AGPAT4: variants seen among roughly 807,000 people sequenced by gnomAD.
The protein encoded by AGPAT4 is 1-acyl-sn-glycerol-3-phosphate acyltransferase delta.
A neutral mutation model predicts 48.0 loss-of-function variants in AGPAT4; 15 were observed. That is an observed-to-expected ratio of 0.31 (90% CI 0.21 to 0.48). The LOEUF is 0.48. Among genes scored for constraint, AGPAT4 ranks in the 20% least tolerant of loss-of-function variants. The pLI is 0.99. For missense variants in AGPAT4, 314 were observed against 482.5 expected (o/e 0.65, Z 3.27); for synonymous variants, 178 against 198.7 (o/e 0.90, Z 0.88).
At chr6:161,185,871 T>C (rs536533446) in intron 2 of AGPAT4, among the ~76,000 whole-genome samples, 29 of 152,348 alleles carry the variant, frequency 1.9e-4, no homozygotes, top group Non-Finnish European at 3.7e-4. Flanking sequence ...GGATTTTCTT[T>C]TTTTTAATTT....
At chr6:161,224,054 A>T (rs1033021715) in intron 2 of AGPAT4, among the ~76,000 whole-genome samples, 6 of 152,218 alleles carry the variant, frequency 3.9e-5, no homozygotes, top group African/African-American at 1.2e-4. Flanking sequence ...AGATACTTAA[A>T]TTCTTTAACT....
At position 161,166,496 on chromosome 6, in the gene AGPAT4, C is replaced by T. The variant is rs1780102609; in HGVS notation, c.179-79G>A. The T allele has an allele frequency of 5.4e-6, 8 of 1,489,566 alleles. No homozygotes were observed. In the South Asian group the frequency reaches 5.5e-5, roughly 10 times the overall value. 92.3% of individuals were successfully genotyped at this position (1,489,566 alleles called of 1,614,324 possible). On this transcript the variant is annotated intron_variant, in intron 2 of 8. Coordinates refer to ENST00000320285, the MANE Select transcript of AGPAT4 (RefSeq NM_020133.3). The surrounding 1 kb of genome is among the most constrained non-coding windows in gnomAD (Gnocchi z 6.7). ...GCCCTGCTGAGAGCAGGGCTCTGCCCTCCCAGCTAGGGGAGAAAGCAACTT... is the reference window on the plus strand; with the variant it reads ...GCCCTGCTGAGAGCAGGGCTCTGCCTTCCCAGCTAGGGGAGAAAGCAACTT...
At position 161,243,629 on chromosome 6, in the gene AGPAT4, G is replaced by T. The variant is rs1399108784; in HGVS notation, c.-89-11327C>A. Among the ~76,000 whole-genome samples, 2 of 152,148 alleles carry T rather than the reference G, an allele frequency of 1.3e-5. No homozygotes were observed. Among genetic ancestry groups the T allele is most frequent in the African/African-American group, 2.4e-5 (1 of 41,418 alleles). On this transcript the variant is annotated intron_variant, in intron 1 of 8. Transcript: ENST00000320285. The surrounding 1 kb of genome is among the most constrained non-coding windows in gnomAD (Gnocchi z 4.8). ...ACCGTGCTGTAACAATTACACACAGGAAGGCAGAGAAACAGCACAACAGCT... is the reference window on the plus strand; with the variant it reads ...ACCGTGCTGTAACAATTACACACAGTAAGGCAGAGAAACAGCACAACAGCT...
At position 161,225,344 on chromosome 6, in the gene AGPAT4, G is replaced by A. The variant is rs1289725875; in HGVS notation, c.178+6692C>T. 6.6e-6 allele frequency among the ~76,000 whole-genome samples: 1 copy of A among 152,162 alleles called. No homozygotes were observed. The highest frequency in any genetic ancestry group is 1.9e-4 in the East Asian group (1 of 5,198). Reference sequence around the variant, plus strand: ...GAAGGACACAGCAGCAGGGGCCATGGGCTTCAGGGATAAGAACCCCTTCCC... The same window carrying A: ...GAAGGACACAGCAGCAGGGGCCATGAGCTTCAGGGATAAGAACCCCTTCCC... On this transcript the variant is annotated intron_variant, in intron 2 of 8. Transcript: ENST00000320285. The surrounding 1 kb of genome is among the most constrained non-coding windows in gnomAD (Gnocchi z 5.0).
At chr6:161,241,908 A>G (rs930020168) in intron 1 of AGPAT4, among the ~76,000 whole-genome samples, 1 of 151,958 alleles carries the variant, frequency 6.6e-6, no homozygotes, top group African/African-American at 2.4e-5. Flanking sequence ...AATTTTTGTA[A>G]TTTTGGTAGA....
At chr6:161,207,635 G>A (rs1781411602) in intron 2 of AGPAT4, among the ~76,000 whole-genome samples, 1 of 152,202 alleles carries the variant, frequency 6.6e-6, no homozygotes, top group Non-Finnish European at 1.5e-5. Context: ...GGAGAGAGAT[G>A]ACAGTAAACC....
chr6:161,146,510 C>G lies in AGPAT4; in HGVS notation c.843+14G>C, dbSNP rs781498209. ...CTGCAACGTGAAGGGACCCCTGGCA[C>G]CCAGTGCACTGACCTTCTCCTGGTA... On this transcript the variant is annotated intron_variant, in intron 7 of 8. Transcript: ENST00000320285. The surrounding 1 kb of genome is among the most constrained non-coding windows in gnomAD (Gnocchi z 7.1). 1 of 1,613,422 alleles carries G rather than the reference C, an allele frequency of 6.2e-7. No homozygotes were observed. The highest frequency in any genetic ancestry group is 1.1e-5 in the South Asian group (1 of 91,066).
At chr6:161,241,846 C>T (rs1782502550) in intron 1 of AGPAT4, among the ~76,000 whole-genome samples, 1 of 152,218 alleles carries the variant, frequency 6.6e-6, no homozygotes, top group Admixed American at 6.5e-5. Flanking sequence ...AATTCTCCTG[C>T]CTCAGCCTCC....
At chr6:161,181,216 T>C (rs1483949090) in intron 2 of AGPAT4, among the ~76,000 whole-genome samples, 1 of 152,202 alleles carries the variant, frequency 6.6e-6, no homozygotes, top group Non-Finnish European at 1.5e-5. Flanking sequence ...GGGAACAGTA[T>C]TCAGCAGCCC....
intron 2 of AGPAT4, among the ~76,000 whole-genome samples, chr6:161,194,492 ATGTG>A (rs10586791): frequency 0.096 from 14,186 of 147,842 alleles, 2,156 homozygotes; most frequent in African/African-American, 0.33. Flanking sequence ...GTATGTGTGT[ATGTG>A]TGTGTGTGCA....
Position 161,171,225 on chromosome 6 carries a change from A to C in AGPAT4, c.179-4808T>G, listed in dbSNP as rs967816292. On this transcript the variant is annotated intron_variant, in intron 2 of 8. Coordinates refer to ENST00000320285, the MANE Select transcript of AGPAT4 (RefSeq NM_020133.3). The surrounding 1 kb of genome is among the most constrained non-coding windows in gnomAD (Gnocchi z 4.4). ...CAGGAGCCCTACGAGGGTAAATCTA[A>C]GAGAAGCAAAGATAAGGTATTTGCT... is the stretch of plus-strand genomic sequence containing the variant. 1.3e-5 allele frequency among the ~76,000 whole-genome samples: 2 copies of C among 152,268 alleles called. No homozygotes were observed. The highest frequency in any genetic ancestry group is 4.8e-5 in the African/African-American group (2 of 41,476).
Position 161,208,277 on chromosome 6 carries a change from ACT to A in AGPAT4, c.178+23757_178+23758del, listed in dbSNP as rs1781431312. Among the ~76,000 whole-genome samples the A allele has an allele frequency of 1.1e-4, 16 of 152,202 alleles. No homozygotes were observed. In the South Asian group the frequency reaches 3.3e-3, roughly 32 times the overall value. On this transcript the variant is annotated intron_variant, in intron 2 of 8. Transcript: ENST00000320285. The surrounding 1 kb of genome is among the most constrained non-coding windows in gnomAD (Gnocchi z 4.6). ...AAAGTAAGCTACTCAGTATTCAGAG[ACT>A]CTCTCCAGATGCGCCCTCTGTGGAA... is the stretch of plus-strand genomic sequence containing the variant.
intron 3 of AGPAT4, among the ~76,000 whole-genome samples, chr6:161,162,757 A>G (rs561327041): frequency 3.3e-5 from 5 of 152,246 alleles, no homozygotes; most frequent in Non-Finnish European, 7.3e-5. Context: ...TAATATAATA[A>G]TAGCTGCTGC....
chr6:161,135,260 C>T lies in AGPAT4; in HGVS notation c.*1280G>A, dbSNP rs1359087446. 1.3e-5 allele frequency: 2 copies of T among 152,276 alleles called. No homozygotes were observed. The highest frequency in any genetic ancestry group is 4.8e-5 in the African/African-American group (2 of 41,476). 9.4% of individuals were successfully genotyped at this position (152,276 alleles called of 1,614,324 possible). ...CTGCGCACCTGGAGAAAGACATATC[C>T]TTCCTAACTCATGCTCCAAATACCT... On this transcript the variant is annotated 3_prime_UTR_variant, in exon 9 of 9. Transcript: ENST00000320285.
At chr6:161,203,507 G>T (rs1231002155) in intron 2 of AGPAT4, among the ~76,000 whole-genome samples, 1 of 149,344 alleles carries the variant, frequency 6.7e-6, no homozygotes, top group Non-Finnish European at 1.5e-5. Context: ...TCCTGCCCCG[G>T]CCCCCCAAGA....
rs1781876444 is a variant in AGPAT4, at chr6:161,223,188, A to G, written c.178+8848T>C. On this transcript the variant is annotated intron_variant, in intron 2 of 8. Coordinates refer to ENST00000320285, the MANE Select transcript of AGPAT4 (RefSeq NM_020133.3). This position sits in a 1 kb window ranked among gnomAD's most constrained non-coding sequence, Gnocchi z 6.3. ...CAAGGACAGCAGCTGCACCCCTCTCATCTCTGTTCTCCAGGTGCTGACCCC... is the reference window on the plus strand; with the variant it reads ...CAAGGACAGCAGCTGCACCCCTCTCGTCTCTGTTCTCCAGGTGCTGACCCC... Among the ~76,000 whole-genome samples, 1 of 151,862 alleles carries G rather than the reference A, an allele frequency of 6.6e-6. No individual in the cohort carries two copies. The highest frequency in any genetic ancestry group is 1.5e-5 in the Non-Finnish European group (1 of 67,954).
Position 161,149,405 on chromosome 6 carries a change from T to G in AGPAT4, c.665-116A>C. The stretch of plus-strand genomic sequence containing the variant: ...TGGCTAACTGCTTATCTAGAAATGG[T>G]GTGGTCAGATTTCTTTCTTTCTATA... On this transcript the variant is annotated intron_variant, in intron 5 of 8. Transcript: ENST00000320285. This position sits in a 1 kb window ranked among gnomAD's most constrained non-coding sequence, Gnocchi z 6.5. The G allele has an allele frequency of 1.2e-6, 1 of 849,420 alleles. No individual in the cohort carries two copies. Among genetic ancestry groups the G allele is most frequent in the East Asian group, 2.7e-5 (1 of 36,594 alleles). The allele number at this position is 849,420 out of a possible 1,614,324, so 52.6% of individuals were successfully genotyped here. A position where few individuals can be genotyped will look rare whatever the true frequency, so the allele number is the denominator to read the frequency against.
In AGPAT4 at chr6:161,229,331, A is replaced by G. The variant is rs1282880704; in HGVS notation, c.178+2705T>C. Among the ~76,000 whole-genome samples, 1 of 152,174 alleles carries G rather than the reference A, an allele frequency of 6.6e-6. No homozygotes were observed. Among genetic ancestry groups the G allele is most frequent in the Non-Finnish European group, 1.5e-5 (1 of 68,042 alleles). Reference sequence around the variant, plus strand: ...ACCAGAAGACACAATTAAAGCCATGAACAGTTTCTATCTTAACTCAGAGGG... The same window carrying G: ...ACCAGAAGACACAATTAAAGCCATGGACAGTTTCTATCTTAACTCAGAGGG... On this transcript the variant is annotated intron_variant, in intron 2 of 8. Transcript: ENST00000320285. The surrounding 1 kb of genome is among the most constrained non-coding windows in gnomAD (Gnocchi z 6.0).
intron 3 of AGPAT4, among the ~76,000 whole-genome samples, chr6:161,163,976 G>A (rs187583288): frequency 6.6e-6 from 1 of 152,346 alleles, no homozygotes; most frequent in East Asian, 1.9e-4. Context: ...AGTTGTTTGG[G>A]TGTTCACAGT....
Sources: allele counts gnomAD v4.1 joint callset (sites outside exome capture counted in the v4.1 genomes callset), GRCh38; gene constraint gnomAD v4.1.1; non-coding constraint Gnocchi (gnomAD v3.1); transcripts MANE v1.5; gene names NCBI Gene and HGNC (gene_info 2026-07-23, HGNC 2026-07-21).